Variants in LRP1B observed in about 807,000 individuals in gnomAD.
LRP1B encodes LDL receptor related protein 1B.
LRP1B carries 217 observed loss-of-function variants against 556.6 expected under a neutral mutation model. The ratio of observed to expected loss-of-function variants is 0.39; its 90% CI spans 0.35 to 0.44. The LOEUF is 0.44. Among genes scored for constraint, LRP1B ranks in the 20% least tolerant of loss-of-function variants. The pLI, the probability that LRP1B is intolerant of heterozygous loss-of-function variation, is 1.00. For synonymous variants in LRP1B, 2,047 were observed against 1,865.8 expected (o/e 1.10, Z -2.50); for missense variants, 5,053 against 5,620.8 (o/e 0.90, Z 3.23).
At chr2:141,668,320 C>T (rs932337834) in intron 2 of LRP1B, among the ~76,000 whole-genome samples, 2 of 152,122 alleles carry the variant, frequency 1.3e-5, no homozygotes, top group Non-Finnish European at 2.9e-5. Flanking sequence ...GCAAAGGCCC[C>T]ACCCTCAAGC....
At position 141,487,262 on chromosome 2, in the gene LRP1B, A is replaced by C. The variant is rs575628925; in HGVS notation, c.206-6729T>G. ...ATTATTTCTAAGTATTTTTCTTCAA[A>C]ATAAGACTATGAGATATCTGATGTC... On this transcript the variant is annotated intron_variant, in intron 2 of 90. Transcript: ENST00000389484. Among the ~76,000 whole-genome samples the C allele has an allele frequency of 9.2e-5, 14 of 152,254 alleles. No homozygotes were observed. In the East Asian group the frequency reaches 2.7e-3, roughly 29 times the overall value.
In LRP1B at chr2:140,485,846, TACACACAC is replaced by T. The variant is rs10696198; in HGVS notation, c.9244-330_9244-323del. 9.4e-3 allele frequency among the ~76,000 whole-genome samples: 1,337 copies of T among 142,348 alleles called. 13 individuals are homozygous for T. Among genetic ancestry groups the T allele is most frequent in the Middle Eastern group, 0.014 (4 of 276 alleles). The allele number at this position is 142,348 out of a possible 152,430, so 93.4% of individuals were successfully genotyped here. On this transcript the variant is annotated intron_variant, in intron 58 of 90. Coordinates refer to ENST00000389484, the MANE Select transcript of LRP1B (RefSeq NM_018557.3). ...ATTTGGGACAAAATTCTCACGCACA[TACACACAC>T]ACACACACACACACACACACACACA... is the stretch of plus-strand genomic sequence containing the variant.
intron 43 of LRP1B, among the ~76,000 whole-genome samples, chr2:140,571,195 A>G (rs72975893): frequency 0.018 from 2,674 of 151,894 alleles, 80 homozygotes; most frequent in African/African-American, 0.062. Flanking sequence ...AAAAGGCATC[A>G]AAATTGGAAA....
At chr2:141,883,949 T>C (rs1348925386) in intron 1 of LRP1B, among the ~76,000 whole-genome samples, 1 of 152,216 alleles carries the variant, frequency 6.6e-6, no homozygotes, top group Non-Finnish European at 1.5e-5. Flanking sequence ...GTAATTGTCA[T>C]GAAAGGAAGA....
intron 2 of LRP1B, among the ~76,000 whole-genome samples, chr2:141,726,380 A>C (rs1005398601): frequency 2.0e-5 from 3 of 151,906 alleles, no homozygotes; most frequent in African/African-American, 4.8e-5. Context: ...TTTTCTAACA[A>C]GAAAACATAA....
At chr2:141,552,805 G>C (rs1685803234) in intron 2 of LRP1B, among the ~76,000 whole-genome samples, 1 of 151,882 alleles carries the variant, frequency 6.6e-6, no homozygotes. Flanking sequence ...GGGATTATTG[G>C]GGAGCATCAC....
intron 65 of LRP1B, among the ~76,000 whole-genome samples, chr2:140,443,898 T>C (rs1573945137): frequency 6.6e-6 from 1 of 152,328 alleles, no homozygotes; most frequent in East Asian, 1.9e-4. Context: ...TTTATATGTC[T>C]CTTCATGAGT....
intron 7 of LRP1B, among the ~76,000 whole-genome samples, chr2:141,155,803 T>G (rs1210872908): frequency 6.6e-6 from 1 of 152,192 alleles, no homozygotes; most frequent in Admixed American, 6.5e-5. Flanking sequence ...AAATTACATT[T>G]ACTAGTATTT....
intron 45 of LRP1B, among the ~76,000 whole-genome samples, chr2:140,538,437 C>G (rs982470875): frequency 6.6e-6 from 1 of 152,086 alleles, no homozygotes; most frequent in South Asian, 2.1e-4. Flanking sequence ...CCATGAGCAT[C>G]GAATGTTTAG....
At chr2:140,893,867 C>A (rs187833350) in intron 23 of LRP1B, among the ~76,000 whole-genome samples, 1 of 152,232 alleles carries the variant, frequency 6.6e-6, no homozygotes, top group African/African-American at 2.4e-5. Flanking sequence ...CATATACTAT[C>A]ATTACTCATG....
intron 2 of LRP1B, among the ~76,000 whole-genome samples, chr2:141,764,142 G>A (rs183945225): frequency 2.0e-5 from 3 of 152,068 alleles, no homozygotes; most frequent in African/African-American, 7.2e-5. Context: ...GGTAATTAAG[G>A]TTAAATGAAG....
At chr2:142,082,804 C>A (rs1176399335) in intron 1 of LRP1B, among the ~76,000 whole-genome samples, 1 of 151,930 alleles carries the variant, frequency 6.6e-6, no homozygotes, top group East Asian at 1.9e-4. Flanking sequence ...TCATCTATGC[C>A]CAAAATAAAA....
At chr2:141,439,364 A>AT (rs1193949610) in intron 3 of LRP1B, among the ~76,000 whole-genome samples, 1 of 151,984 alleles carries the variant, frequency 6.6e-6, no homozygotes, top group Non-Finnish European at 1.5e-5. Context: ...AGTGAAATGA[A>AT]TTTTTTTACA....
intron 11 of LRP1B, among the ~76,000 whole-genome samples, chr2:141,033,412 A>G (rs1698436503): frequency 6.6e-6 from 1 of 152,084 alleles, no homozygotes; most frequent in African/African-American, 2.4e-5. Context: ...AAAACTACTC[A>G]GGCTGTTGTG....
At chr2:141,906,840 G>T (rs896038045) in intron 1 of LRP1B, among the ~76,000 whole-genome samples, 1 of 152,008 alleles carries the variant, frequency 6.6e-6, no homozygotes, top group African/African-American at 2.4e-5. Context: ...ACTAGATACA[G>T]CATGTTAAAT....
At chr2:140,593,839 GA>G (rs1480574369) in intron 43 of LRP1B, among the ~76,000 whole-genome samples, 2 of 152,034 alleles carry the variant, frequency 1.3e-5, no homozygotes, top group Non-Finnish European at 2.9e-5. Flanking sequence ...TTTGCTGTTT[GA>G]AAGGATCTGT....
chr2:141,381,170 A>C (rs1291508813), intron 3 of LRP1B, among the ~76,000 whole-genome samples: 1 of 152,166 alleles, frequency 6.6e-6, no homozygotes, highest in Non-Finnish European at 1.5e-5. Flanking sequence ...TCAGGAAAGC[A>C]ATGCAGGAAC....
intron 7 of LRP1B, among the ~76,000 whole-genome samples, chr2:141,072,872 C>A (rs1699684527): frequency 6.6e-6 from 1 of 152,032 alleles, no homozygotes; most frequent in African/African-American, 2.4e-5. Context: ...TTTTTCCTCT[C>A]CTCTTGTAAG....
At chr2:141,624,261 T>C (rs542660234) in intron 2 of LRP1B, among the ~76,000 whole-genome samples, 7 of 152,140 alleles carry the variant, frequency 4.6e-5, no homozygotes, top group African/African-American at 1.2e-4. Flanking sequence ...CATAATATTA[T>C]ACAACCTGAG....
Sources: gnomAD v4.1 joint callset for allele counts (sites outside exome capture counted in the v4.1 genomes callset) on GRCh38, gnomAD v4.1.1 for gene constraint, MANE v1.5 for transcripts, NCBI Gene and HGNC (gene_info 2026-07-23, HGNC 2026-07-21) for gene names.